Variants in CCSER1 observed in about 807,000 individuals in gnomAD.
CCSER1 encodes serine-rich coiled-coil domain-containing protein 1.
A neutral mutation model predicts 82.0 loss-of-function variants in CCSER1; 41 were observed. That is an observed-to-expected ratio of 0.50 (90% CI 0.39 to 0.65). CCSER1 has a LOEUF of 0.65. CCSER1 is among the 30% of genes least tolerant of loss of function. The pLI, the probability that CCSER1 is intolerant of heterozygous loss-of-function variation, is 0.00. For missense variants in CCSER1, 1,119 were observed against 1,064.2 expected (o/e 1.05, Z -0.72); for synonymous variants, 414 against 383.9 (o/e 1.08, Z -0.92).
At chr4:91,202,118 C>A (rs374078941) in intron 10 of CCSER1, among the ~76,000 whole-genome samples, 2 of 151,284 alleles carry the variant, frequency 1.3e-5, no homozygotes, top group Non-Finnish European at 3.0e-5. Flanking sequence ...TTTATAGGTG[C>A]CTACTTACAT....
chr4:90,891,580 A>G (rs1722975810), intron 8 of CCSER1, among the ~76,000 whole-genome samples: 1 of 151,972 alleles, frequency 6.6e-6, no homozygotes, highest in Admixed American at 6.6e-5. Context: ...TTACCTTAAG[A>G]CTAAAATATT....
intron 10 of CCSER1, among the ~76,000 whole-genome samples, chr4:91,405,034 C>G (rs903713578): frequency 2.0e-5 from 3 of 152,088 alleles, no homozygotes; most frequent in Admixed American, 6.6e-5. Context: ...GAGTGTAAGT[C>G]TCTTTGTAGG....
chr4:91,425,727 G>C (rs1212230267), intron 10 of CCSER1, among the ~76,000 whole-genome samples: 1 of 152,170 alleles, frequency 6.6e-6, no homozygotes, highest in African/African-American at 2.4e-5. Flanking sequence ...TAGACTGGTA[G>C]AGAGGGAAAT....
intron 3 of CCSER1, among the ~76,000 whole-genome samples, chr4:90,368,639 AAAC>A (rs1354654477): frequency 6.6e-6 from 1 of 151,864 alleles, no homozygotes; most frequent in Non-Finnish European, 1.5e-5. Context: ...CTCAAAACAA[AAAC>A]AAAGTCTTTA....
intron 10 of CCSER1, among the ~76,000 whole-genome samples, chr4:91,463,341 C>T (rs1470695019): frequency 1.3e-5 from 2 of 152,096 alleles, no homozygotes; most frequent in African/African-American, 2.4e-5. Flanking sequence ...GACATCCACA[C>T]CAAAACCCCA....
At chr4:91,578,423 G>T (rs554582748) in intron 10 of CCSER1, among the ~76,000 whole-genome samples, 1 of 151,920 alleles carries the variant, frequency 6.6e-6, no homozygotes, top group Admixed American at 6.6e-5. Flanking sequence ...AGATTGCTGG[G>T]AAATGTGTTA....
At chr4:91,548,535 G>A (rs369143762) in intron 10 of CCSER1, among the ~76,000 whole-genome samples, 70 of 150,104 alleles carry the variant, frequency 4.7e-4, no homozygotes, top group East Asian at 2.9e-3. Flanking sequence ...TTTTTGCTAG[G>A]TAAGTCTAAT....
At chr4:90,621,464 G>A (rs1361548103) in intron 5 of CCSER1, among the ~76,000 whole-genome samples, 12 of 148,902 alleles carry the variant, frequency 8.1e-5, no homozygotes, top group South Asian at 2.1e-4. Context: ...CAAGTTTCTG[G>A]GTTTTTTTTT....
Position 90,993,543 on chromosome 4 carries a change from G to A in CCSER1, c.2172+70096G>A, listed in dbSNP as rs139746589. On this transcript the variant is annotated intron_variant, in intron 9 of 10. Transcript: ENST00000509176. The stretch of plus-strand genomic sequence containing the variant: ...ATATATTACTGTCTTAGATGGTTAG[G>A]TCTGCTATAAGAAATACATAGACTG... 3.9e-3 allele frequency among the ~76,000 whole-genome samples: 590 copies of A among 151,776 alleles called. 6 individuals are homozygous for A. Among genetic ancestry groups the A allele is most frequent in the African/African-American group, 0.014 (563 of 41,362 alleles).
rs1418275321 is a variant in CCSER1, at chr4:90,280,011, G to GT, written c.-41-28229dup. Among the ~76,000 whole-genome samples, 5 of 151,926 alleles carry GT rather than the reference G, an allele frequency of 3.3e-5. No individual in the cohort carries two copies. The East Asian group carries it at 9.7e-4, about 29-fold the overall frequency. On this transcript the variant is annotated intron_variant, in intron 1 of 10. Coordinates refer to ENST00000509176, the MANE Select transcript of CCSER1 (RefSeq NM_001145065.2). ...AAAATGATAGGAGTTAAGGGATCTC[G>GT]TTTTAAGTAAATTTATATCAAAGAA...
chr4:91,355,314 G>A (rs1408258176), intron 10 of CCSER1, among the ~76,000 whole-genome samples: 1 of 151,810 alleles, frequency 6.6e-6, no homozygotes, highest in Non-Finnish European at 1.5e-5. Flanking sequence ...CATTTTTGGG[G>A]GCCCCTCTTT....
At chr4:91,470,230 AT>A (rs1252535517) in intron 10 of CCSER1, among the ~76,000 whole-genome samples, 1 of 152,170 alleles carries the variant, frequency 6.6e-6, no homozygotes, top group Non-Finnish European at 1.5e-5. Context: ...GTGCTAGGGT[AT>A]TGTACAGATT....
chr4:91,397,219 A>G (rs1227553441), intron 10 of CCSER1, among the ~76,000 whole-genome samples: 1 of 152,028 alleles, frequency 6.6e-6, no homozygotes, highest in Non-Finnish European at 1.5e-5. Context: ...GAGTACTACT[A>G]TGTATCAATT....
intron 8 of CCSER1, among the ~76,000 whole-genome samples, chr4:90,830,804 A>G (rs936863772): frequency 1.2e-4 from 18 of 152,130 alleles, no homozygotes; most frequent in Non-Finnish European, 2.5e-4. Flanking sequence ...ACTATGAACA[A>G]ACAACTTTGG....
intron 5 of CCSER1, among the ~76,000 whole-genome samples, chr4:90,624,791 A>G (rs1290673719): frequency 1.3e-5 from 2 of 152,194 alleles, no homozygotes; most frequent in Admixed American, 6.5e-5. Context: ...ATGTTACTAA[A>G]TCTTAAATTA....
chr4:90,478,749 T>A (rs1442624233), intron 5 of CCSER1, among the ~76,000 whole-genome samples: 5 of 147,066 alleles, frequency 3.4e-5, no homozygotes, highest in South Asian at 4.3e-4. Context: ...TTTTTTTTTT[T>A]ATTTTTTTGG....
At chr4:91,140,502 T>C (rs2148928119) in intron 10 of CCSER1, among the ~76,000 whole-genome samples, 1 of 152,242 alleles carries the variant, frequency 6.6e-6, no homozygotes, top group South Asian at 2.1e-4. Flanking sequence ...TTTACATTCT[T>C]CTTTTCTGAG....
chr4:91,401,329 A>G (rs1462209607), intron 10 of CCSER1, among the ~76,000 whole-genome samples: 1 of 148,334 alleles, frequency 6.7e-6, no homozygotes, highest in African/African-American at 2.4e-5. Context: ...TACTGTATAT[A>G]TATTACATAT....
chr4:91,503,099 T>G (rs1245591182), intron 10 of CCSER1, among the ~76,000 whole-genome samples: 1 of 152,064 alleles, frequency 6.6e-6, no homozygotes, highest in Admixed American at 6.6e-5. Flanking sequence ...TCCCAGCACT[T>G]TGGGAGGCCG....
Sources: gnomAD v4.1 joint callset for allele counts (sites outside exome capture counted in the v4.1 genomes callset) on GRCh38, gnomAD v4.1.1 for gene constraint, MANE v1.5 for transcripts, NCBI Gene and HGNC (gene_info 2026-07-23, HGNC 2026-07-21) for gene names.